LTA4H: variants seen among roughly 807,000 people sequenced by gnomAD.
LTA4H encodes leukotriene A4 hydrolase, also known as leukotriene A-4 hydrolase.
A neutral mutation model predicts 89.8 loss-of-function variants in LTA4H; 59 were observed. The observed-to-expected ratio is 0.66, with a 90% CI of 0.53 to 0.82. The LOEUF is 0.82. Ranked by LOEUF, LTA4H falls within the 40% of genes least tolerant of loss-of-function variation. The pLI is 0.00. For synonymous variants in LTA4H, 227 were observed against 253.1 expected (o/e 0.90, Z 0.98); for missense variants, 617 against 727.0 (o/e 0.85, Z 1.74).
At chr12:96,017,981 A>G (rs1592884614) in intron 8 of LTA4H, among the ~76,000 whole-genome samples, 1 of 152,096 alleles carries the variant, frequency 6.6e-6, no homozygotes, top group African/African-American at 2.4e-5. Flanking sequence ...TTTTATTGCT[A>G]ATCCATCACT....
At chr12:96,013,687 C>T in intron 13 of LTA4H, 63 bp downstream of exon 13, 1 of 848,274 alleles carries the variant, frequency 1.2e-6, no homozygotes. Flanking sequence ...ACAAGTTAAC[C>T]TAATCAGTCA....
intron 15 of LTA4H, among the ~76,000 whole-genome samples, chr12:96,007,907 T>C (rs1030529122): frequency 6.6e-6 from 1 of 152,210 alleles, no homozygotes; most frequent in Non-Finnish European, 1.5e-5. Flanking sequence ...TAAAAGGCAA[T>C]AGCTGAACTG....
At chr12:96,018,237 C>T (rs1950404840) in intron 8 of LTA4H, among the ~76,000 whole-genome samples, 1 of 152,122 alleles carries the variant, frequency 6.6e-6, no homozygotes, top group South Asian at 2.1e-4. Context: ...CTCCAAATGG[C>T]CTGATTATTT....
chr12:96,023,391 A>T (rs969188335), intron 4 of LTA4H, among the ~76,000 whole-genome samples: 27 of 152,036 alleles, frequency 1.8e-4, no homozygotes, highest in African/African-American at 5.6e-4. Context: ...TTATTTATTT[A>T]TTTTTTTAGA....
chr12:96,035,644 C>T, upstream of LTA4H: 2 of 1,429,404 alleles, frequency 1.4e-6, no homozygotes, highest in African/African-American at 1.5e-5. Context: ...CGGTGCACGC[C>T]GGGAAAGGAA....
chr12:96,037,301 G>A (rs11108385), upstream of LTA4H, among the ~76,000 whole-genome samples: 16,276 of 152,144 alleles, frequency 0.11, 1,454 homozygotes, highest in African/African-American at 0.25. Context: ...ATGACAGTGG[G>A]TAAGCTCAAC....
At chr12:96,042,630 A>G (rs1402013806) in intron 1 of LTA4H, among the ~76,000 whole-genome samples, 1 of 152,250 alleles carries the variant, frequency 6.6e-6, no homozygotes, top group African/African-American at 2.4e-5. Context: ...CTTTAGATGA[A>G]TGCACACTTA....
At chr12:96,017,230 G>A in intron 9 of LTA4H, 116 bp from the exon 10 acceptor site, 1 of 769,036 alleles carries the variant, frequency 1.3e-6, no homozygotes. Context: ...GAGATATTCA[G>A]GGAGTTACTC....
At chr12:96,021,196 C>T (rs888934965) in intron 5 of LTA4H, 59 bp from the exon 6 acceptor site, 2 of 1,256,272 alleles carry the variant, frequency 1.6e-6, no homozygotes, top group South Asian at 1.5e-5. Context: ...AAATGTTACA[C>T]AGTAAGACAA....
chr12:96,016,605 T>TA (rs1003743583), intron 10 of LTA4H, among the ~76,000 whole-genome samples: 51 of 125,018 alleles, frequency 4.1e-4, no homozygotes, highest in African/African-American at 7.7e-4. Context: ...TGTCTCCAAT[T>TA]AAAAAAAAAA....
intron 16 of LTA4H, 150 bp from the exon 17 acceptor site, chr12:96,004,070 A>AC (rs1249281439): frequency 1.0e-5 from 4 of 395,760 alleles, no homozygotes; most frequent in Non-Finnish European, 1.7e-5. Context: ...CAAATTGCAC[A>AC]CTAAGTAAAT....
chr12:96,021,105 A>G lies in LTA4H; in HGVS notation c.618T>C (p.Val206=), dbSNP rs1302225015. The G allele has an allele frequency of 6.2e-7, 1 of 1,601,832 alleles. No individual in the cohort carries two copies. Among genetic ancestry groups the G allele is most frequent in the Non-Finnish European group, 8.5e-7 (1 of 1,176,392 alleles). ...VPIPCYLIAL[V]VGALESRQIG... ...CTCACCTGCTTTCTAAAGCTCCAACAACTAAAGCAATCAGGTAGCAGGGTA... is the reference window on the plus strand; with the variant it reads ...CTCACCTGCTTTCTAAAGCTCCAACGACTAAAGCAATCAGGTAGCAGGGTA... Residue 206 remains valine (V), a synonymous_variant, in exon 6 of 19, where the codon GTT becomes GTC. Coordinates refer to ENST00000228740, the MANE Select transcript of LTA4H (RefSeq NM_000895.3).
intron 18 of LTA4H, among the ~76,000 whole-genome samples, chr12:96,001,970 G>C (rs1950111924): frequency 6.6e-6 from 1 of 151,888 alleles, no homozygotes; most frequent in African/African-American, 2.4e-5. Context: ...CGATTCTCCT[G>C]CCTCAGCCTC....
upstream of LTA4H, among the ~76,000 whole-genome samples, chr12:96,036,061 G>T (rs1363901098): frequency 6.6e-6 from 1 of 152,170 alleles, no homozygotes; most frequent in Non-Finnish European, 1.5e-5. Flanking sequence ...CCTGTCACGC[G>T]GGAGACCGGG....
intron 1 of LTA4H, among the ~76,000 whole-genome samples, chr12:96,034,448 C>G (rs1253958150): frequency 2.6e-5 from 4 of 152,126 alleles, no homozygotes; most frequent in African/African-American, 7.2e-5. Context: ...TTTCTTCATT[C>G]CAATGGTTAT....
intron 1 of LTA4H, chr12:96,043,190 G>A (rs1315780360): frequency 2.4e-6 from 2 of 848,476 alleles, no homozygotes; most frequent in African/African-American, 1.7e-5. Context: ...TTGGCAAAGT[G>A]AGAACATGTC....
In LTA4H at chr12:96,022,430, C is replaced by T. The variant is rs936600524; in HGVS notation, c.481-179G>A. ...TACACACACATATATATGAACACAA[C>T]GTGTATAGATGTGTATATATATGCA... On this transcript the variant is annotated intron_variant, in intron 4 of 18. Coordinates refer to ENST00000228740, the MANE Select transcript of LTA4H (RefSeq NM_000895.3). This position sits in a 1 kb window ranked among gnomAD's most constrained non-coding sequence, Gnocchi z 4.0. 5.9e-5 allele frequency among the ~76,000 whole-genome samples: 9 copies of T among 151,592 alleles called. No homozygotes were observed. Among genetic ancestry groups the T allele is most frequent in the South Asian group, 2.1e-4 (1 of 4,800 alleles).
In LTA4H at chr12:96,021,229, T is replaced by A; in HGVS notation, c.586-92A>T. 4.2e-6 allele frequency: 4 copies of A among 953,014 alleles called. No individual in the cohort carries two copies. The South Asian group carries it at 7.7e-5, about 18-fold the overall frequency. 59.0% of individuals were successfully genotyped at this position (953,014 alleles called of 1,614,324 possible). ...CAATTCATATTTAAAAGTAAGTAAATTCCCTTTCAAATCTCCTAATATTAG... is the reference window on the plus strand; with the variant it reads ...CAATTCATATTTAAAAGTAAGTAAAATCCCTTTCAAATCTCCTAATATTAG... On this transcript the variant is annotated intron_variant, in intron 5 of 18. Coordinates refer to ENST00000228740, the MANE Select transcript of LTA4H (RefSeq NM_000895.3).
chr12:96,025,485 G>A (rs1950503463), intron 3 of LTA4H: 1 of 152,194 alleles, frequency 6.6e-6, no homozygotes, highest in African/African-American at 2.4e-5. Context: ...CATATCATAT[G>A]CAAAGTGTTT....
Sources: allele counts gnomAD v4.1 joint callset (sites outside exome capture counted in the v4.1 genomes callset), GRCh38; gene constraint gnomAD v4.1.1; non-coding constraint Gnocchi (gnomAD v3.1); transcripts MANE v1.5; gene names NCBI Gene and HGNC (gene_info 2026-07-23, HGNC 2026-07-21).